The following PEX2 variants were observed in gnomAD, a reference collection of about 807,000 sequenced individuals.
PEX2 encodes the protein peroxisomal biogenesis factor 2, also known as peroxisome biogenesis factor 2.
A neutral mutation model predicts 25.2 loss-of-function variants in PEX2; 19 were observed. The ratio of observed to expected loss-of-function variants is 0.75; its 90% confidence interval spans 0.53 to 1.10. PEX2 has a LOEUF of 1.10. PEX2 is among the 50% of genes least tolerant of loss of function. The pLI is 0.00. For missense variants in PEX2, 347 were observed against 350.6 expected (o/e 0.99, Z 0.08); for synonymous variants, 141 against 127.7 (o/e 1.10, Z -0.70).
chr8:76,989,083 G>C (rs1003027070), intron 1 of PEX2, among the ~76,000 whole-genome samples: 1 of 151,350 alleles, frequency 6.6e-6, no homozygotes, highest in Non-Finnish European at 1.5e-5. Flanking sequence ...GGAGGCTGAC[G>C]CAGGAGAGTT....
Position 76,981,307 on chromosome 8 carries a change from C to G in PEX2, c.*1954G>C, listed in dbSNP as rs1350751929. ...GCAACAAAGTGAGACCTCATCTCTA[C>G]AAAAATTAGCCAGGCATGGTGGTAT... On this transcript the variant is annotated 3_prime_UTR_variant, in exon 4 of 4. Transcript: ENST00000357039. 6.6e-6 allele frequency: 1 copy of G among 152,030 alleles called. No homozygotes were observed. The highest frequency in any genetic ancestry group is 2.4e-5 in the African/African-American group (1 of 41,382). The allele number at this position is 152,030 out of a possible 1,614,324, so 9.4% of individuals were successfully genotyped here.
intron 1 of PEX2, among the ~76,000 whole-genome samples, chr8:76,989,389 T>C (rs569293700): frequency 2.0e-5 from 3 of 152,212 alleles, no homozygotes; most frequent in Admixed American, 1.3e-4. Flanking sequence ...CCTGTTCATG[T>C]TGATATGTTG....
rs1012729439 is a variant in PEX2 at position 76,982,659 on chromosome 8, A to C, written c.*602T>G. The C allele has an allele frequency of 1.3e-5, 2 of 154,028 alleles. No individual in the cohort carries two copies. Among genetic ancestry groups the C allele is most frequent in the African/African-American group, 2.4e-5 (1 of 41,400 alleles). 9.5% of individuals were successfully genotyped at this position (154,028 alleles called of 1,614,324 possible). A position where few individuals can be genotyped will look rare whatever the true frequency, so the allele number is the denominator to read the frequency against. ...CCCCATCTCTACTAAAAATACAAAAATTACCCGGGCATGGTGGCATGCACC... is the reference window on the plus strand; with the variant it reads ...CCCCATCTCTACTAAAAATACAAAACTTACCCGGGCATGGTGGCATGCACC... On this transcript the variant is annotated 3_prime_UTR_variant, in exon 4 of 4. Transcript: ENST00000357039.
chr8:76,991,165 T>C (rs1176651816), intron 1 of PEX2, among the ~76,000 whole-genome samples: 2 of 152,110 alleles, frequency 1.3e-5, no homozygotes, highest in Admixed American at 6.5e-5. Context: ...CTGGTCAGAG[T>C]GAGTGGTTTG....
At chr8:76,985,828 AT>A (rs1263429372) in intron 3 of PEX2, among the ~76,000 whole-genome samples, 1 of 152,156 alleles carries the variant, frequency 6.6e-6, no homozygotes, top group Non-Finnish European at 1.5e-5. Context: ...GTTTCTTCAC[AT>A]ATAAAACAAA....
chr8:76,982,922 CAG>C lies in PEX2; in HGVS notation c.*337_*338del. ...TCTGAAAATAAATGCACACTCATCC[CAG>C]AGTCTCCAAAATCTTTATCTTTAGA... is the stretch of plus-strand genomic sequence containing the variant. On this transcript the variant is annotated 3_prime_UTR_variant, in exon 4 of 4. Transcript: ENST00000357039. 3 of 349,552 alleles carry C rather than the reference CAG, an allele frequency of 8.6e-6. No homozygotes were observed. The highest frequency in any genetic ancestry group is 7.4e-5 in the East Asian group (1 of 13,578). The allele number at this position is 349,552 out of a possible 1,614,324, so 21.7% of individuals were successfully genotyped here.
In PEX2 at chr8:76,986,017, C is replaced by T. The variant is rs111910365; in HGVS notation, c.-18+170G>A. 7.7e-3 allele frequency among the ~76,000 whole-genome samples: 1,178 copies of T among 152,282 alleles called. 13 individuals carry two copies. Among genetic ancestry groups the T allele is most frequent in the South Asian group, 0.024 (117 of 4,824 alleles). ...GAGGGAAGTTCTAAATTTACCCATG[C>T]ATCCTAGAAGACTTAGTGGCAGAAG... is the stretch of plus-strand genomic sequence containing the variant. On this transcript the variant is annotated intron_variant, in intron 3 of 3. Transcript: ENST00000357039.
Position 76,984,190 on chromosome 8 carries a change from A to G in PEX2, c.-12T>C. ...TTTCTGGAAGCCATGTCTTCTCTGA[A>G]GGTCTCTAGGAAAAAATACAATTGA... On this transcript the variant is annotated 5_prime_UTR_variant, in exon 4 of 4. Coordinates refer to ENST00000357039, the MANE Select transcript of PEX2 (RefSeq NM_000318.3). 1.2e-6 allele frequency: 2 copies of G among 1,613,480 alleles called. No individual in the cohort carries two copies. Among genetic ancestry groups the G allele is most frequent in the Non-Finnish European group, 8.5e-7 (1 of 1,179,506 alleles).
chr8:76,985,245 T>C lies in PEX2; in HGVS notation c.-18+942A>G, dbSNP rs533032878. Among the ~76,000 whole-genome samples, 80 of 151,488 alleles carry C rather than the reference T, an allele frequency of 5.3e-4. 1 individual carries two copies. Among genetic ancestry groups the C allele is most frequent in the African/African-American group, 1.9e-3 (79 of 41,278 alleles). On this transcript the variant is annotated intron_variant, in intron 3 of 3. Transcript: ENST00000357039. The stretch of plus-strand genomic sequence containing the variant: ...ACCTCAGTATGATCTCATTTATATG[T>C]GGATTCTAAAAAAGTCAAACTTATT...
chr8:77,000,195 A>G (rs1327113354), upstream of PEX2: 8 of 284,010 alleles, frequency 2.8e-5, no homozygotes, highest in Non-Finnish European at 4.9e-5. Context: ...TGCTGAAGGC[A>G]CTGGATGGCC....
At chr8:76,996,516 G>C (rs1012247386) in intron 1 of PEX2, among the ~76,000 whole-genome samples, 3 of 152,182 alleles carry the variant, frequency 2.0e-5, no homozygotes, top group Admixed American at 6.5e-5. Context: ...CAAACTATGG[G>C]AAAAACACTA....
chr8:76,988,834 CAAT>C lies in PEX2; in HGVS notation c.-159-499_-159-497del. 4.6e-5 allele frequency among the ~76,000 whole-genome samples: 7 copies of C among 152,188 alleles called. No individual in the cohort carries two copies. The South Asian group carries it at 1.5e-3, about 32-fold the overall frequency. On this transcript the variant is annotated intron_variant, in intron 1 of 3. Coordinates refer to ENST00000357039, the MANE Select transcript of PEX2 (RefSeq NM_000318.3). ...TCTAAATCCTTTGCTATCTTTTCAA[CAAT>C]GTTTACAGCATTTCCCCAGGTATAA...
At chr8:76,993,680 T>C (rs1378376307) in intron 1 of PEX2, among the ~76,000 whole-genome samples, 1 of 152,216 alleles carries the variant, frequency 6.6e-6, no homozygotes, top group Non-Finnish European at 1.5e-5. Flanking sequence ...AAGCTGCTTT[T>C]TGTAAAAAGA....
chr8:76,993,649 T>C (rs1470354146), intron 1 of PEX2, among the ~76,000 whole-genome samples: 1 of 152,172 alleles, frequency 6.6e-6, no homozygotes, highest in African/African-American at 2.4e-5. Context: ...AAGCTCAAAC[T>C]TGAATATTTT....
Position 76,983,230 on chromosome 8 carries a change from T to C in PEX2, c.*31A>G, listed in dbSNP as rs1380044514. 3 of 1,605,456 alleles carry C rather than the reference T, an allele frequency of 1.9e-6. No individual in the cohort carries two copies. Among genetic ancestry groups the C allele is most frequent in the Middle Eastern group, 3.3e-4 (2 of 6,052 alleles). On this transcript the variant is annotated 3_prime_UTR_variant, in exon 4 of 4. Coordinates refer to ENST00000357039, the MANE Select transcript of PEX2 (RefSeq NM_000318.3). Reference sequence around the variant, plus strand: ...ATATTAAGAATTTAAACACGGTGCATTTTTTTCCTCAAAGGAAGCAATTTT... The same window carrying C: ...ATATTAAGAATTTAAACACGGTGCACTTTTTTCCTCAAAGGAAGCAATTTT...
upstream of PEX2, among the ~76,000 whole-genome samples, chr8:77,000,499 C>T (rs534950854): frequency 6.6e-6 from 1 of 152,294 alleles, no homozygotes; most frequent in African/African-American, 2.4e-5. Flanking sequence ...CTCCGGGGTT[C>T]CTTGTTCGCT....
chr8:76,995,698 A>G (rs764385153), intron 1 of PEX2, among the ~76,000 whole-genome samples: 1 of 152,212 alleles, frequency 6.6e-6, no homozygotes, highest in Non-Finnish European at 1.5e-5. Context: ...TATTTTTAAG[A>G]TAACAGCATG....
At chr8:77,000,419 T>C (rs1807476808), upstream of PEX2, among the ~76,000 whole-genome samples, 1 of 151,244 alleles carries the variant, frequency 6.6e-6, no homozygotes, top group Admixed American at 6.6e-5. Context: ...GGGCAGGGCT[T>C]TCTCTGCTTG....
chr8:77,000,466 G>C (rs914073834), upstream of PEX2, among the ~76,000 whole-genome samples: 1 of 152,136 alleles, frequency 6.6e-6, no homozygotes, highest in Non-Finnish European at 1.5e-5. Context: ...GCGCCGCCGG[G>C]TGGCGGCGAG....
Sources: gnomAD v4.1 joint callset for allele counts (sites outside exome capture counted in the v4.1 genomes callset) on GRCh38, gnomAD v4.1.1 for gene constraint, MANE v1.5 for transcripts, NCBI Gene and HGNC (gene_info 2026-07-23, HGNC 2026-07-21) for gene names.